The following OPN1LW variants were observed in gnomAD, a reference collection of about 807,000 sequenced individuals.
The protein encoded by OPN1LW is opsin 1, long wave sensitive, also known as long-wave-sensitive opsin 1.
In OPN1LW, 4 loss-of-function variants were observed where a neutral mutation model predicts 18.1. The observed-to-expected ratio is 0.22, with a 90% CI of 0.11 to 0.51. The LOEUF (loss-of-function observed/expected upper bound fraction) is 0.51, where lower values mean the gene tolerates loss of function less well. Ranked by LOEUF, OPN1LW falls within the 20% of genes least tolerant of loss-of-function variation. The pLI is 0.97. For synonymous variants in OPN1LW, 86 were observed against 101.2 expected (o/e 0.85, Z 0.90); for missense variants, 164 against 234.9 (o/e 0.70, Z 1.97).
chrX:154,148,561 G>A (rs782169976), intron 1 of OPN1LW, among the ~76,000 whole-genome samples: 3 of 102,986 alleles, frequency 2.9e-5, no homozygotes, highest in South Asian at 8.1e-4. Context: ...GTGAGCCACC[G>A]CTCCCAGCCG....
intron 1 of OPN1LW, among the ~76,000 whole-genome samples, chrX:154,148,674 T>C (rs1475139828): frequency 9.5e-6 from 1 of 105,069 alleles, no homozygotes; most frequent in East Asian, 2.8e-4. Context: ...GTCATTTCTG[T>C]AAAGACCCTA....
At chrX:154,150,524 C>T in intron 1 of OPN1LW, 132 bp from the exon 2 acceptor site, 4 of 700,154 alleles carry the variant, frequency 5.7e-6, no homozygotes, top group Non-Finnish European at 8.2e-6. Flanking sequence ...TGAGGATGGA[C>T]AAAGCTGGAG....
intron 5 of OPN1LW, 126 bp downstream of exon 5, chrX:154,156,659 A>T (rs2067086747): frequency 9.3e-7 from 1 of 1,072,838 alleles, no homozygotes; most frequent in Admixed American, 2.3e-5. Flanking sequence ...CCCTCCAGGG[A>T]AATGACCGGG....
intron 1 of OPN1LW, among the ~76,000 whole-genome samples, chrX:154,148,299 T>A (rs2067062293): frequency 9.7e-6 from 1 of 103,453 alleles, no homozygotes; most frequent in Non-Finnish European, 1.9e-5. Context: ...GGAGTCTTGT[T>A]CTGTCACCCC....
intron 1 of OPN1LW, 43 bp downstream of exon 1, chrX:154,144,438 G>A (rs1309210691): frequency 4.2e-6 from 4 of 962,030 alleles, no homozygotes; most frequent in Admixed American, 2.8e-5. Flanking sequence ...TGCACTGGGG[G>A]CCACCGGCCA....
chrX:154,149,204 CAAAAAAAAAGA>C (rs782303073), intron 1 of OPN1LW, among the ~76,000 whole-genome samples: 1 of 87,979 alleles, frequency 1.1e-5, no homozygotes, highest in Non-Finnish European at 2.1e-5. Flanking sequence ...GACTCCGTCT[CAAAAAAAAAGA>C]AAAAAAAAAG....
intron 3 of OPN1LW, among the ~76,000 whole-genome samples, chrX:154,154,171 C>T (rs1357818577): frequency 1.0e-5 from 1 of 98,134 alleles, no homozygotes; most frequent in Non-Finnish European, 2.0e-5. Context: ...TCACTGTGTT[C>T]CAGGCTAGTC....
At chrX:154,144,591 C>T (rs1362220535) in intron 1 of OPN1LW, among the ~76,000 whole-genome samples, 196 bp downstream of exon 1, 1 of 18,498 alleles carries the variant, frequency 5.4e-5, no homozygotes, top group African/African-American at 2.4e-4. Context: ...TATGCATTCT[C>T]AAGCCACACA....
At chrX:154,149,079 C>G (rs1433567093) in intron 1 of OPN1LW, among the ~76,000 whole-genome samples, 1 of 103,557 alleles carries the variant, frequency 9.7e-6, no homozygotes, top group Non-Finnish European at 1.9e-5. Flanking sequence ...GTGGCGGGCG[C>G]CTGTAGTCCC....
In OPN1LW at chrX:154,154,691, C is replaced by T. The variant is rs782304727; in HGVS notation, c.696C>T (p.Leu232=). 21 of 1,190,698 alleles carry T rather than the reference C, an allele frequency of 1.8e-5. 2 individuals carry two copies. Among genetic ancestry groups the T allele is most frequent in the Admixed American group, 2.3e-5 (1 of 44,032 alleles). ...TGGTCACCTGCTGCATCATCCCACT[C>T]GCTATCATCATGCTCTGCTACCTCC... The part of the protein sequence containing the change: ...VLMVTCCIIP[L]AIIMLCYLQV... The change falls in exon 4 of 6, where the codon CTC becomes CTT. Residue 232 remains leucine, a synonymous_variant. Transcript: ENST00000369951.
At position 154,150,865 on chromosome X, in the gene OPN1LW, A is replaced by G; in HGVS notation, c.322A>G (p.Thr108Ala). The G allele has an allele frequency of 5.0e-6, 6 of 1,195,957 alleles. No homozygotes were observed. Among genetic ancestry groups the G allele is most frequent in the Non-Finnish European group, 6.8e-6 (6 of 886,454 alleles). ...CCTAGCAGAGACCGTCATCGCCAGCACTATCAGCATTGTGAACCAGGTCTC... is the reference window on the plus strand; with the variant it reads ...CCTAGCAGAGACCGTCATCGCCAGCGCTATCAGCATTGTGAACCAGGTCTC... Reference protein sequence around the residue: ...ADLAETVIASTISIVNQVSGY... With the variant: ...ADLAETVIASAISIVNQVSGY... The change falls in exon 2 of 6, where the codon ACT becomes GCT. Residue 108 changes from threonine (T) to alanine (A), a missense_variant. Thr to Ala is a moderately conservative substitution (Grantham distance 58). This residue lies in a region of OPN1LW where 106 missense variants were observed against 167.7 expected (regional missense o/e 0.63). Transcript: ENST00000369951.
chrX:154,150,907 G>C lies in OPN1LW; in HGVS notation c.364G>C (p.Gly122Arg). 8.4e-7 allele frequency: 1 copy of C among 1,194,507 alleles called. No homozygotes were observed. Among genetic ancestry groups the C allele is most frequent in the Non-Finnish European group, 1.1e-6 (1 of 886,787 alleles). The stretch of plus-strand genomic sequence containing the variant: ...CCAGGTCTCTGGCTACTTCGTGCTG[G>C]GCCACCCTATGTGTGTCCTGGAGGG... ...VNQVSGYFVL[G>R]HPMCVLEGYT... Residue 122 changes from glycine to arginine, a missense_variant, in exon 2 of 6, where the codon GGC becomes CGC. By Grantham distance (125) the Gly-to-Arg change is moderately radical. Around this residue, in one of 3 missense-constraint regions of OPN1LW, gnomAD observed 106 missense variants for 167.7 expected, o/e 0.63. Transcript: ENST00000369951.
chrX:154,148,410 C>T (rs1452663099), intron 1 of OPN1LW, among the ~76,000 whole-genome samples: 3 of 102,988 alleles, frequency 2.9e-5, no homozygotes, highest in Non-Finnish European at 3.8e-5. Context: ...GGACTACAGG[C>T]GCCCACCACC....
At chrX:154,154,481 A>G in intron 3 of OPN1LW, 93 bp from the exon 4 acceptor site, 2 of 646,865 alleles carry the variant, frequency 3.1e-6, no homozygotes, top group Non-Finnish European at 4.8e-6. Context: ...AATTTAAAAA[A>G]ACAAACCCCA....
chrX:154,151,158 T>C (rs782085161), intron 2 of OPN1LW, among the ~76,000 whole-genome samples: 2 of 87,231 alleles, frequency 2.3e-5, no homozygotes, highest in East Asian at 7.0e-4. Flanking sequence ...AAACATACCC[T>C]GAGTTCCTAC....
At chrX:154,148,673 G>C (rs781845083) in intron 1 of OPN1LW, among the ~76,000 whole-genome samples, 1 of 104,962 alleles carries the variant, frequency 9.5e-6, no homozygotes, top group South Asian at 3.8e-4. Context: ...GGTCATTTCT[G>C]TAAAGACCCT....
rs5987218 is a variant in OPN1LW at position 154,151,072 on chromosome X, C to T, written c.409+120C>T. ...GTAGGCCTGTCTCCCTCCCCATCTGCGCCTCACATCCATATACTGAAGGGT... is the reference window on the plus strand; with the variant it reads ...GTAGGCCTGTCTCCCTCCCCATCTGTGCCTCACATCCATATACTGAAGGGT... On this transcript the variant is annotated intron_variant, in intron 2 of 5. Coordinates refer to ENST00000369951, the MANE Select transcript of OPN1LW (RefSeq NM_020061.6). The T allele has an allele frequency of 0.019, 19,370 of 1,008,287 alleles. 2,440 individuals are homozygous for T. In the African/African-American group the frequency reaches 0.34, roughly 18 times the overall value. The allele number at this position is 1,008,287 out of a possible 1,213,427, so 83.1% of individuals were successfully genotyped here.
chrX:154,149,531 C>CA lies in OPN1LW; in HGVS notation c.113-1111dup, dbSNP rs782136368. Among the ~76,000 whole-genome samples, 444 of 59,351 alleles carry CA rather than the reference C, an allele frequency of 7.5e-3. 27 individuals carry two copies. In the South Asian group the frequency reaches 0.085, roughly 11 times the overall value. The allele number at this position is 59,351 out of a possible 115,157, so 51.5% of individuals were successfully genotyped here. On this transcript the variant is annotated intron_variant, in intron 1 of 5. Coordinates refer to ENST00000369951, the MANE Select transcript of OPN1LW (RefSeq NM_020061.6). ...TGGGTGACAGAGCAAGACTTTGTCCCAAAAAAAAAAAAAAGAAAAGAAAGA... is the reference window on the plus strand; with the variant it reads ...TGGGTGACAGAGCAAGACTTTGTCCCAAAAAAAAAAAAAAAGAAAAGAAAGA...
At chrX:154,156,186 G>A (rs2067083448) in intron 4 of OPN1LW, 108 bp from the exon 5 acceptor site, 5 of 983,373 alleles carry the variant, frequency 5.1e-6, no homozygotes, top group East Asian at 3.3e-5. Context: ...ACTCAGGGCT[G>A]GAAGATGGCT....
Sources: allele counts gnomAD v4.1 joint callset (sites outside exome capture counted in the v4.1 genomes callset), GRCh38; gene constraint gnomAD v4.1.1; regional missense constraint gnomAD v4.1.1; transcripts MANE v1.5; gene names NCBI Gene and HGNC (gene_info 2026-07-23, HGNC 2026-07-21).